CYP3A4: variants seen among roughly 807,000 people sequenced by gnomAD.
CYP3A4 encodes the protein cytochrome P450 family 3 subfamily A member 4.
Under a neutral mutation model 54.9 loss-of-function variants are expected in CYP3A4, and 41 were observed. The observed-to-expected ratio is 0.75, with a 90% confidence interval of 0.58 to 0.97. CYP3A4 has a LOEUF of 0.97. Among genes scored for constraint, CYP3A4 ranks in the 50% least tolerant of loss-of-function variants. The pLI is 0.00. For missense variants in CYP3A4, 510 were observed against 597.3 expected (o/e 0.85, Z 1.52); for synonymous variants, 179 against 205.2 (o/e 0.87, Z 1.09).
intron 3 of CYP3A4, among the ~76,000 whole-genome samples, chr7:99,777,008 T>G (rs1584548907): frequency 6.6e-6 from 1 of 152,082 alleles, no homozygotes; most frequent in Non-Finnish European, 1.5e-5. Context: ...CAAAACAGAA[T>G]GAAAAGTTCC....
intron 9 of CYP3A4, 149 bp from the exon 10 acceptor site, chr7:99,764,164 T>C (rs1352015979): frequency 7.6e-6 from 9 of 1,188,948 alleles, no homozygotes; most frequent in Non-Finnish European, 1.1e-5. Flanking sequence ...GGTTTCATTC[T>C]GATGTGTATC....
chr7:99,768,427 T>C lies in CYP3A4; in HGVS notation c.597A>G (p.Pro199=). ...FGVNIDSLNN[P]QDPFVENTKK... ...TGGTGTTTTCCACAAAGGGGTCTTG[T>C]GGATTGTTGAGAGAGTCGATGTTCA... is the stretch of plus-strand genomic sequence containing the variant. Residue 199 remains proline, a synonymous_variant, in exon 7 of 13, where the codon CCA becomes CCG. Coordinates refer to ENST00000651514, the MANE Select transcript of CYP3A4 (RefSeq NM_017460.6). 1 of 1,614,092 alleles carries C rather than the reference T, an allele frequency of 6.2e-7. No individual in the cohort carries two copies. The highest frequency in any genetic ancestry group is 8.5e-7 in the Non-Finnish European group (1 of 1,179,960).
chr7:99,766,574 C>T (rs758911428), intron 8 of CYP3A4, 131 bp from the exon 9 acceptor site: 1 of 1,100,712 alleles, frequency 9.1e-7, no homozygotes, highest in Admixed American at 2.3e-5. Context: ...TGCATGTTGC[C>T]TGAATCACCA....
chr7:99,774,273 G>A (rs1006388441), intron 3 of CYP3A4, among the ~76,000 whole-genome samples: 1 of 152,126 alleles, frequency 6.6e-6, no homozygotes, highest in East Asian at 1.9e-4. Context: ...ACAAAGAGGA[G>A]CTGTTATCAT....
At chr7:99,771,177 G>A (rs751737951) in intron 4 of CYP3A4, among the ~76,000 whole-genome samples, 1 of 152,006 alleles carries the variant, frequency 6.6e-6, no homozygotes, top group African/African-American at 2.4e-5. Context: ...TAAAAGAATT[G>A]TCTCTATTTT....
chr7:99,779,913 G>A, intron 2 of CYP3A4, 79 bp downstream of exon 2: 2 of 1,355,292 alleles, frequency 1.5e-6, no homozygotes, highest in Middle Eastern at 1.8e-4. Flanking sequence ...TTCCCCCTGA[G>A]GAGAAGCATT....
Position 99,768,515 on chromosome 7 carries a change from A to G in CYP3A4, c.522-13T>C. On this transcript the variant is annotated splice_polypyrimidine_tract_variant and intron_variant, in intron 6 of 12. Coordinates refer to ENST00000651514, the MANE Select transcript of CYP3A4 (RefSeq NM_017460.6). ...GGCCCCAAAGACGCTGAGTGGAGAA[A>G]GATGTGGAAAATTAAAATCAGCACC... 1 of 1,613,438 alleles carries G rather than the reference A, an allele frequency of 6.2e-7. No homozygotes were observed. The highest frequency in any genetic ancestry group is 2.2e-5 in the East Asian group (1 of 44,868).
intron 12 of CYP3A4, among the ~76,000 whole-genome samples, chr7:99,759,111 CAT>C (rs1445142062): frequency 6.6e-6 from 1 of 152,128 alleles, no homozygotes; most frequent in Non-Finnish European, 1.5e-5. Flanking sequence ...TGTCTGGGCA[CAT>C]ATAATACAGC....
rs28371756 is a variant in CYP3A4, at chr7:99,766,945, A to C, written c.798+186T>G. On this transcript the variant is annotated intron_variant, in intron 8 of 12. Transcript: ENST00000651514. ...CATGTGCTGTCTCTGACTCATTCTC[A>C]TATCTCCTTCCCCAAACCCCACTTT... 55 of 516,454 alleles carry C rather than the reference A, an allele frequency of 1.1e-4. No homozygotes were observed. In the East Asian group the frequency reaches 1.8e-3, roughly 17 times the overall value. The allele number at this position is 516,454 out of a possible 1,614,324, so 32.0% of individuals were successfully genotyped here.
In CYP3A4 at chr7:99,768,431, T is replaced by C. The variant is rs1815533051; in HGVS notation, c.593A>G (p.Asn198Ser). The change falls in exon 7 of 13, where the codon AAT becomes AGT. Residue 198 changes from asparagine (N) to serine (S), a missense_variant. Physicochemically the swap from Asn to Ser is conservative, Grantham distance 46. Around this residue, in one of 2 missense-constraint regions of CYP3A4, gnomAD observed 272 missense variants for 274.9 expected, o/e 0.99. Coordinates refer to ENST00000651514, the MANE Select transcript of CYP3A4 (RefSeq NM_017460.6). ...GTTTTCCACAAAGGGGTCTTGTGGA[T>C]TGTTGAGAGAGTCGATGTTCACTCC... ...SFGVNIDSLN[N>S]PQDPFVENTK... is the part of the protein sequence containing the mutation. 5.0e-5 allele frequency: 80 copies of C among 1,613,908 alleles called. No homozygotes were observed. The highest frequency in any genetic ancestry group is 1.6e-4 in the Middle Eastern group (1 of 6,082).
intron 4 of CYP3A4, among the ~76,000 whole-genome samples, chr7:99,770,845 G>A (rs1291042337): frequency 6.6e-6 from 1 of 152,050 alleles, no homozygotes; most frequent in Non-Finnish European, 1.5e-5. Context: ...TGCCAACTTG[G>A]AACTGGCCTA....
Position 99,770,141 on chromosome 7 carries a change from G to C in CYP3A4, c.413C>G (p.Thr138Ser). ...TCATACCTCCTTGAGTTTTCCACTG[G>C]TGAAGGTTGGAGACAGCAATGATCG... ...RLRSLLSPTF[T>S]SGKLKEMVPI... The change falls in exon 5 of 13, where the codon ACC becomes AGC. Residue 138 changes from threonine to serine, a missense_variant. Physicochemically the swap from Thr to Ser is moderately conservative, Grantham distance 58. Around this residue, in one of 2 missense-constraint regions of CYP3A4, gnomAD observed 272 missense variants for 274.9 expected, o/e 0.99. Coordinates refer to ENST00000651514, the MANE Select transcript of CYP3A4 (RefSeq NM_017460.6). The C allele has an allele frequency of 1.2e-6, 2 of 1,613,018 alleles. No individual in the cohort carries two copies. The highest frequency in any genetic ancestry group is 1.7e-6 in the Non-Finnish European group (2 of 1,179,176).
At chr7:99,776,860 AAAAT>A (rs1030755912) in intron 3 of CYP3A4, among the ~76,000 whole-genome samples, 35 of 152,142 alleles carry the variant, frequency 2.3e-4, no homozygotes, top group Middle Eastern at 3.2e-3. Flanking sequence ...CTAAAAATAA[AAAAT>A]AAAATAAAAT....
At chr7:99,764,140 G>A (rs1815419370) in intron 9 of CYP3A4, 125 bp from the exon 10 acceptor site, 4 of 1,368,488 alleles carry the variant, frequency 2.9e-6, no homozygotes, top group South Asian at 2.6e-5. Context: ...GCAATTCAGA[G>A]GTACACTGGG....
At chr7:99,780,484 T>C (rs1039605006) in intron 1 of CYP3A4, among the ~76,000 whole-genome samples, 1 of 152,156 alleles carries the variant, frequency 6.6e-6, no homozygotes, top group Non-Finnish European at 1.5e-5. Flanking sequence ...AAGGGTGACA[T>C]TTTTTTGTCT....
In CYP3A4 at chr7:99,783,975, A is replaced by T. The variant is rs1815993945; in HGVS notation, c.71+36T>A. 1.9e-6 allele frequency: 3 copies of T among 1,603,992 alleles called. No homozygotes were observed. The East Asian group carries it at 6.7e-5, about 36-fold the overall frequency. ...AGGCCTGATTAGCACCCCAAGTCCA[A>T]GGAAACAGAGAAGAGGAGCCTGGAC... On this transcript the variant is annotated intron_variant, in intron 1 of 12. Coordinates refer to ENST00000651514, the MANE Select transcript of CYP3A4 (RefSeq NM_017460.6).
At chr7:99,783,720 T>G (rs541189343) in intron 1 of CYP3A4, among the ~76,000 whole-genome samples, 2 of 148,428 alleles carry the variant, frequency 1.3e-5, no homozygotes, top group African/African-American at 4.9e-5. Flanking sequence ...GCAATTCTCC[T>G]GCCTCAGCCT....
intron 12 of CYP3A4, among the ~76,000 whole-genome samples, chr7:99,760,041 T>A (rs1815277844): frequency 6.6e-6 from 1 of 152,130 alleles, no homozygotes. Context: ...TTCACCGTGT[T>A]AGCCAGGATG....
rs1192964856 is a variant in CYP3A4, at chr7:99,768,353, C to T, written c.670+1G>A. The T allele has an allele frequency of 1.9e-6, 3 of 1,613,352 alleles. No homozygotes were observed. Among genetic ancestry groups the T allele is most frequent in the Admixed American group, 1.7e-5 (1 of 59,992 alleles). On this transcript the variant is annotated splice_donor_variant, in intron 7 of 12. Transcript: ENST00000651514. LOFTEE classifies it high-confidence loss of function. ...ATAAAAGGAAATAGTAGTCCACATA[C>T]TTATTGAGAGAAAGAATGGATCCAA...
Sources: gnomAD v4.1 joint callset for allele counts (sites outside exome capture counted in the v4.1 genomes callset) on GRCh38, gnomAD v4.1.1 for gene constraint, gnomAD v4.1.1 regional missense constraint, MANE v1.5 for transcripts, NCBI Gene and HGNC (gene_info 2026-07-23, HGNC 2026-07-21) for gene names.